Variants in GSAP observed in about 807,000 individuals in gnomAD.
The protein encoded by GSAP is gamma-secretase activating protein.
GSAP carries 118 observed loss-of-function variants against 131.7 expected under a neutral mutation model. That is an observed-to-expected ratio of 0.90 (90% CI 0.77 to 1.04). GSAP has a LOEUF of 1.04. Among genes scored for constraint, GSAP ranks in the 50% least tolerant of loss-of-function variants. The probability of loss-of-function intolerance (pLI) is 0.00; values close to 1 mark genes in which losing one functional copy is unlikely to be tolerated. For missense variants in GSAP, 1,019 were observed against 1,013.2 expected (o/e 1.01, Z -0.08); for synonymous variants, 381 against 363.4 (o/e 1.05, Z -0.55).
chr7:77,397,455 C>T (rs772831727), intron 3 of GSAP, 40 bp from the exon 4 acceptor site: 1 of 1,056,204 alleles, frequency 9.5e-7, no homozygotes, highest in Non-Finnish European at 1.4e-6. Context: ...AAGTTTCATA[C>T]ATTAAATAAC....
Position 77,387,417 on chromosome 7 carries a change from G to C in GSAP, c.399C>G (p.Ile133Met). 1.2e-6 allele frequency: 2 copies of C among 1,603,694 alleles called. No homozygotes were observed. Among genetic ancestry groups the C allele is most frequent in the Non-Finnish European group, 1.7e-6 (2 of 1,170,632 alleles). ...GSKCLTLLVE[I>M]HPVNNVKVLK... Reference sequence around the variant, plus strand: ...GAACCTTCACATTGTTAACAGGGTGGATTTCAACCAACAAAGTCAAGCACT... The same window carrying C: ...GAACCTTCACATTGTTAACAGGGTGCATTTCAACCAACAAAGTCAAGCACT... Residue 133 changes from isoleucine (I) to methionine (M), a missense_variant, in exon 6 of 31, where the codon ATC (isoleucine) becomes ATG (methionine). By Grantham distance (10) the Ile-to-Met change is conservative. Transcript: ENST00000257626.
At chr7:77,357,351 C>G (rs898508082) in intron 14 of GSAP, among the ~76,000 whole-genome samples, 1 of 152,166 alleles carries the variant, frequency 6.6e-6, no homozygotes, top group African/African-American at 2.4e-5. Flanking sequence ...TAAAAGAGAT[C>G]TTGCAGATGT....
chr7:77,349,477 T>A (rs932940277), intron 18 of GSAP, 73 bp from the exon 19 acceptor site: 2 of 1,304,084 alleles, frequency 1.5e-6, no homozygotes, highest in African/African-American at 2.9e-5. Flanking sequence ...TTTCAGGGAG[T>A]GTTTTCTGCA....
At chr7:77,386,344 T>C (rs763108452) in intron 6 of GSAP, among the ~76,000 whole-genome samples, 9 of 152,224 alleles carry the variant, frequency 5.9e-5, no homozygotes, top group East Asian at 1.9e-4. Context: ...CCTGTGATCA[T>C]GGCTTTTGGG....
intron 19 of GSAP, among the ~76,000 whole-genome samples, chr7:77,345,622 C>T (rs976781395): frequency 1.3e-5 from 2 of 152,126 alleles, no homozygotes; most frequent in African/African-American, 2.4e-5. Context: ...CTTAACTGAG[C>T]GATTAACCTT....
rs1217072015 is a variant in GSAP, at chr7:77,320,728, G to C, written c.2086C>G (p.Pro696Ala). The C allele has an allele frequency of 6.4e-7, 1 of 1,573,822 alleles. No homozygotes were observed. Among genetic ancestry groups the C allele is most frequent in the Non-Finnish European group, 8.7e-7 (1 of 1,143,362 alleles). ...GGACAAAAGAGCCAACACTTACCAG[G>C]AGGCAGAGGTAAAAACAAACTGTTT... ...ATNSLFLPLP[P>A]GFHTLHTILG... Residue 696 changes from proline to alanine, a missense_variant, in exon 26 of 31, where the codon CCT (proline) becomes GCT (alanine). Transcript: ENST00000257626.
intron 1 of GSAP, among the ~76,000 whole-genome samples, chr7:77,409,364 G>C (rs1450129706): frequency 6.6e-6 from 1 of 152,144 alleles, no homozygotes; most frequent in Non-Finnish European, 1.5e-5. Context: ...ACAATTTAGA[G>C]AGTTCTCATT....
chr7:77,383,008 A>G (rs1798017538), intron 6 of GSAP, among the ~76,000 whole-genome samples: 1 of 152,166 alleles, frequency 6.6e-6, no homozygotes, highest in South Asian at 2.1e-4. Flanking sequence ...CAACATGGCA[A>G]GACCGCATCT....
intron 1 of GSAP, chr7:77,415,940 C>T (rs1490741513): frequency 1.9e-5 from 7 of 368,794 alleles, no homozygotes; most frequent in Non-Finnish European, 2.9e-5. Context: ...CGGCCCGGCC[C>T]CTCTGCCAAG....
At chr7:77,379,119 A>T (rs1300545368) in intron 8 of GSAP, among the ~76,000 whole-genome samples, 1 of 151,968 alleles carries the variant, frequency 6.6e-6, no homozygotes, top group Non-Finnish European at 1.5e-5. Context: ...TTGGACAATC[A>T]TTTTTCTGAA....
At chr7:77,341,572 T>G (rs1304745155) in intron 19 of GSAP, among the ~76,000 whole-genome samples, 3 of 152,284 alleles carry the variant, frequency 2.0e-5, no homozygotes, top group African/African-American at 7.2e-5. Context: ...AATCAGTTAG[T>G]GTTTAGGCTC....
chr7:77,352,036 T>A (rs960841717), intron 18 of GSAP, among the ~76,000 whole-genome samples: 15 of 152,154 alleles, frequency 9.9e-5, no homozygotes, highest in African/African-American at 3.6e-4. Context: ...AAAAGTCTAA[T>A]AACCACGACA....
At chr7:77,317,205 T>C (rs1341983646) in intron 26 of GSAP, among the ~76,000 whole-genome samples, 1 of 152,018 alleles carries the variant, frequency 6.6e-6, no homozygotes, top group East Asian at 1.9e-4. Flanking sequence ...TAAAAGAGGA[T>C]GAGTTCATGT....
At chr7:77,316,330 G>A (rs1436799452) in intron 26 of GSAP, 3 of 152,164 alleles carry the variant, frequency 2.0e-5, no homozygotes, top group Non-Finnish European at 4.4e-5. Context: ...GATGCCCAAC[G>A]AGCAGGGCTT....
At chr7:77,312,319 G>A (rs2150575058) in intron 28 of GSAP, 117 bp from the exon 29 acceptor site, 1 of 575,048 alleles carries the variant, frequency 1.7e-6, no homozygotes, top group Non-Finnish European at 3.0e-6. Context: ...TAGTCTCCAG[G>A]CCCTTGATGA....
chr7:77,338,595 C>G (rs1790393728), intron 19 of GSAP, among the ~76,000 whole-genome samples: 1 of 152,140 alleles, frequency 6.6e-6, no homozygotes, highest in Non-Finnish European at 1.5e-5. Flanking sequence ...CTGATGAGGG[C>G]CCACTTCCTA....
intron 19 of GSAP, among the ~76,000 whole-genome samples, chr7:77,347,699 A>T (rs1388206439): frequency 1.3e-5 from 2 of 152,202 alleles, no homozygotes; most frequent in Non-Finnish European, 2.9e-5. Context: ...TCTAAAATTT[A>T]TCTAATATCT....
chr7:77,390,718 C>T (rs1388846420), intron 5 of GSAP, among the ~76,000 whole-genome samples: 3 of 151,562 alleles, frequency 2.0e-5, no homozygotes, highest in Non-Finnish European at 1.5e-5. Flanking sequence ...CAAACCTGCA[C>T]GTTGTGCACA....
intron 5 of GSAP, among the ~76,000 whole-genome samples, chr7:77,389,436 C>G (rs191123649): frequency 2.1e-3 from 314 of 151,464 alleles, no homozygotes; most frequent in Non-Finnish European, 3.4e-3. Flanking sequence ...ATCCCTCCCC[C>G]CCTCCCCACC....
Sources: gnomAD v4.1 joint callset for allele counts (sites outside exome capture counted in the v4.1 genomes callset) on GRCh38, gnomAD v4.1.1 for gene constraint, MANE v1.5 for transcripts, NCBI Gene and HGNC (gene_info 2026-07-23, HGNC 2026-07-21) for gene names.